Variants in VPS13A observed in about 807,000 individuals in gnomAD.
VPS13A encodes intermembrane lipid transfer protein VPS13A.
A neutral mutation model predicts 390.9 loss-of-function variants in VPS13A; 264 were observed. The ratio of observed to expected loss-of-function variants is 0.68; its 90% confidence interval spans 0.61 to 0.75. VPS13A has a LOEUF of 0.75. Among genes scored for constraint, VPS13A ranks in the 30% least tolerant of loss-of-function variants. VPS13A has a pLI of 0.00. For missense variants in VPS13A, 3,409 were observed against 3,733.9 expected, an observed-to-expected ratio of 0.91 and a Z score of 2.27; for synonymous variants, 1,231 against 1,227.1, an observed-to-expected ratio of 1.00 and a Z score of -0.07.
chr9:77,252,417 A>G (rs1825195806), intron 22 of VPS13A, 65 bp downstream of exon 22: 9 of 1,255,342 alleles, frequency 7.2e-6, no homozygotes, highest in Non-Finnish European at 1.1e-5. Flanking sequence ...GGGAAATACC[A>G]TACTTAACTG....
intron 7 of VPS13A, 115 bp downstream of exon 7, chr9:77,210,790 C>T: frequency 9.6e-7 from 1 of 1,037,050 alleles, no homozygotes; most frequent in Non-Finnish European, 1.5e-6. Flanking sequence ...AACGGGTGCA[C>T]AAAGGGTCTT....
chr9:77,347,251 A>G (rs1831205805), intron 52 of VPS13A, among the ~76,000 whole-genome samples: 1 of 152,116 alleles, frequency 6.6e-6, no homozygotes, highest in Admixed American at 6.6e-5. Flanking sequence ...TGGGAATTGC[A>G]TTGAATCTGT....
rs1833471315 is a variant in VPS13A at position 77,382,080 on chromosome 9, T to C, written c.9182T>C (p.Met3061Thr). ...YRLRDGTGNQ[M>T]LQVMENGRFA... ...TTGAGGGATGGGACTGGAAATCAAA[T>C]GTTACAGGTAAATTAAGAGCTATCT... Residue 3061 changes from methionine (M) to threonine (T), a missense_variant, in exon 68 of 72, where the codon ATG becomes ACG. By Grantham distance (81) the Met-to-Thr change is moderately conservative (BLOSUM62 -1). Transcript: ENST00000360280. 3 of 1,604,980 alleles carry C rather than the reference T, an allele frequency of 1.9e-6. No individual in the cohort carries two copies. Among genetic ancestry groups the C allele is most frequent in the South Asian group, 2.2e-5 (2 of 89,254 alleles).
intron 68 of VPS13A, among the ~76,000 whole-genome samples, chr9:77,397,654 T>C (rs1834173882): frequency 6.6e-6 from 1 of 152,350 alleles, no homozygotes; most frequent in Admixed American, 6.5e-5. Flanking sequence ...CAAGTTCCAC[T>C]TTCTTTGTGT....
intron 54 of VPS13A, among the ~76,000 whole-genome samples, chr9:77,354,748 C>T (rs939992699): frequency 6.6e-6 from 1 of 152,006 alleles, no homozygotes; most frequent in Non-Finnish European, 1.5e-5. Flanking sequence ...CCTTGCATTC[C>T]ACTTCACTGA....
intron 67 of VPS13A, among the ~76,000 whole-genome samples, chr9:77,374,444 A>G (rs1014727851): frequency 6.6e-6 from 1 of 152,210 alleles, no homozygotes; most frequent in Admixed American, 6.5e-5. Context: ...TGGACTGGTG[A>G]TGTATAAAGC....
intron 68 of VPS13A, among the ~76,000 whole-genome samples, chr9:77,387,272 A>G (rs1341969623): frequency 6.6e-6 from 1 of 152,208 alleles, no homozygotes. Context: ...TTTTAATAAG[A>G]TGAACTCTTG....
In VPS13A at chr9:77,206,700, C is replaced by A. The variant is rs576651669; in HGVS notation, c.385+621C>A. On this transcript the variant is annotated intron_variant, in intron 5 of 71. Coordinates refer to ENST00000360280, the MANE Select transcript of VPS13A (RefSeq NM_033305.3). ...TCACCTAGTGGGTTTTTTGCCTTGG[C>A]ATGTAAATACGCTGTTCTTTATCTT... Among the ~76,000 whole-genome samples, 60 of 152,222 alleles carry A rather than the reference C, an allele frequency of 3.9e-4. 1 individual carries two copies. The highest frequency in any genetic ancestry group is 6.8e-3 in the Middle Eastern group (2 of 294).
intron 39 of VPS13A, among the ~76,000 whole-genome samples, chr9:77,316,751 T>G (rs1236278415): frequency 6.6e-6 from 1 of 152,086 alleles, no homozygotes; most frequent in Non-Finnish European, 1.5e-5. Context: ...CTGTGTTGTT[T>G]CAATTTTATT....
chr9:77,205,354 C>G lies in VPS13A; in HGVS notation c.229C>G (p.Gln77Glu), dbSNP rs1175078741. The change falls in exon 4 of 72, where the codon CAA (glutamine) becomes GAA (glutamate). Residue 77 changes from glutamine to glutamate, a missense_variant. Physicochemically the swap from Gln to Glu is conservative, Grantham distance 29. Coordinates refer to ENST00000360280, the MANE Select transcript of VPS13A (RefSeq NM_033305.3). Reference protein sequence around the residue: ...LIIPWKNLYTQPVEAVLEEIY... With the variant: ...LIIPWKNLYTEPVEAVLEEIY... Reference sequence around the variant, plus strand: ...AATTCCATGGAAAAACCTTTATACTCAACCTGTTGAAGCCGTATTGGAAGA... The same window carrying G: ...AATTCCATGGAAAAACCTTTATACTGAACCTGTTGAAGCCGTATTGGAAGA... 6 of 1,509,368 alleles carry G rather than the reference C, an allele frequency of 4.0e-6. No homozygotes were observed. Among genetic ancestry groups the G allele is most frequent in the Non-Finnish European group, 5.3e-6 (6 of 1,123,914 alleles). The allele number at this position is 1,509,368 out of a possible 1,614,324, so 93.5% of individuals were successfully genotyped here.
Position 77,282,201 on chromosome 9 carries a change from G to A in VPS13A, c.3045G>A (p.Pro1015=), listed in dbSNP as rs11145366. 0.1 allele frequency: 164,663 copies of A among 1,612,928 alleles called. 8,906 individuals carry two copies. Among genetic ancestry groups the A allele is most frequent in the African/African-American group, 0.11 (8,421 of 74,832 alleles). The change falls in exon 29 of 72, where the codon CCG becomes CCA. Residue 1015 remains proline, a synonymous_variant. Transcript: ENST00000360280. ...NTINYLHNIL[P]QSEEKSAPVS... ...TAAATTATCTTCATAATATCCTTCCGCAATCAGAGGAAAAATCAGCCCCAG... is the reference window on the plus strand; with the variant it reads ...TAAATTATCTTCATAATATCCTTCCACAATCAGAGGAAAAATCAGCCCCAG...
At chr9:77,230,927 C>T (rs1399831124) in intron 17 of VPS13A, among the ~76,000 whole-genome samples, 4 of 151,960 alleles carry the variant, frequency 2.6e-5, no homozygotes, top group Non-Finnish European at 2.9e-5. Context: ...ATTTGAACAA[C>T]GTTTTACAGT....
At chr9:77,402,810 C>T (rs955778090) in intron 68 of VPS13A, among the ~76,000 whole-genome samples, 2 of 152,072 alleles carry the variant, frequency 1.3e-5, no homozygotes, top group African/African-American at 2.4e-5. Context: ...TTGTTACATA[C>T]GAAATTTCTA....
At chr9:77,250,729 ACT>A (rs1825108276) in intron 21 of VPS13A, among the ~76,000 whole-genome samples, 1 of 152,168 alleles carries the variant, frequency 6.6e-6, no homozygotes, top group Admixed American at 6.5e-5. Context: ...GACGAGGGTC[ACT>A]CTCCTAGACA....
chr9:77,180,354 G>A (rs547828772), intron 1 of VPS13A, among the ~76,000 whole-genome samples: 1 of 152,234 alleles, frequency 6.6e-6, no homozygotes, highest in East Asian at 1.9e-4. Context: ...AAATATTAAG[G>A]ATACAATTTC....
chr9:77,385,916 A>T (rs1052837488), intron 68 of VPS13A, among the ~76,000 whole-genome samples: 6 of 152,096 alleles, frequency 3.9e-5, no homozygotes, highest in African/African-American at 1.2e-4. Flanking sequence ...TTACTGCAAA[A>T]AAAACTGAAA....
intron 44 of VPS13A, among the ~76,000 whole-genome samples, chr9:77,322,847 G>T (rs1829822927): frequency 6.6e-6 from 1 of 151,842 alleles, no homozygotes; most frequent in Non-Finnish European, 1.5e-5. Context: ...GTTTGCTATT[G>T]TTGTCTTGGG....
At chr9:77,347,353 C>T (rs1563945913) in intron 52 of VPS13A, among the ~76,000 whole-genome samples, 1 of 152,136 alleles carries the variant, frequency 6.6e-6, no homozygotes, top group African/African-American at 2.4e-5. Flanking sequence ...TAAATTTAAA[C>T]TTTTAAATAA....
chr9:77,218,816 A>G (rs529133319), intron 10 of VPS13A, among the ~76,000 whole-genome samples: 1 of 152,194 alleles, frequency 6.6e-6, no homozygotes, highest in East Asian at 1.9e-4. Context: ...ATGGATTTGG[A>G]TGATTCCTGG....
Sources: gnomAD v4.1 joint callset for allele counts (sites outside exome capture counted in the v4.1 genomes callset) on GRCh38, gnomAD v4.1.1 for gene constraint, MANE v1.5 for transcripts, NCBI Gene and HGNC (gene_info 2026-07-23, HGNC 2026-07-21) for gene names.